FLYWCH1: variants seen among roughly 807,000 people sequenced by gnomAD.
FLYWCH1 encodes the protein FLYWCH-type zinc finger 1.
In FLYWCH1, 75 loss-of-function variants were observed where a neutral mutation model predicts 66.4. That is an observed-to-expected ratio of 1.13 (90% confidence interval 0.94 to 1.37). The LOEUF (loss-of-function observed/expected upper bound fraction) is 1.37. Ranked by LOEUF, FLYWCH1 falls within the 40% of genes most tolerant of loss-of-function variation. The pLI is 0.00. For synonymous variants in FLYWCH1, 595 were observed against 429.9 expected (o/e 1.38, Z -4.75); for missense variants, 1,334 against 1,001.8 (o/e 1.33, Z -4.48).
At chr16:2,928,203 T>C (rs748172427) in intron 2 of FLYWCH1, among the ~76,000 whole-genome samples, 1 of 152,218 alleles carries the variant, frequency 6.6e-6, no homozygotes, top group Non-Finnish European at 1.5e-5. Context: ...GGCTTTACAC[T>C]GAGACATGCC....
chr16:2,945,938 A>G (rs189963625), intron 9 of FLYWCH1, among the ~76,000 whole-genome samples: 6 of 152,118 alleles, frequency 3.9e-5, no homozygotes, highest in South Asian at 2.1e-4. Flanking sequence ...CAGAGCTTGC[A>G]GTGAGCCGAG....
intron 4 of FLYWCH1, among the ~76,000 whole-genome samples, chr16:2,932,113 G>A (rs1474116172): frequency 2.3e-4 from 16 of 71,010 alleles, no homozygotes; most frequent in East Asian, 3.7e-4. Flanking sequence ...GCAAGACTCT[G>A]TCTCAAAAAA....
chr16:2,939,760 A>T, intron 8 of FLYWCH1: 1 of 376,850 alleles, frequency 2.7e-6, no homozygotes. Context: ...GCTTACAGAG[A>T]AAGTTGTGCT....
chr16:2,937,248 C>G lies in FLYWCH1; in HGVS notation c.1641C>G (p.Gly547=). 1 of 1,606,118 alleles carries G rather than the reference C, an allele frequency of 6.2e-7. No individual in the cohort carries two copies. The highest frequency in any genetic ancestry group is 8.5e-7 in the Non-Finnish European group (1 of 1,177,712). Residue 547 remains glycine (G), a synonymous_variant, in exon 7 of 10, where the codon GGC becomes GGG. Transcript: ENST00000253928. ...CCTGCCGGGACCAGGCCCGCATGGG[C>G]TGCCGCAGCCGCGCCATCACCCAGG... is the stretch of plus-strand genomic sequence containing the variant. ...YWTCRDQARM[G]CRSRAITQGR...
chr16:2,939,941 A>G, intron 8 of FLYWCH1, 91 bp from the exon 9 acceptor site: 41 of 1,476,870 alleles, frequency 2.8e-5, no homozygotes, highest in Non-Finnish European at 3.7e-5. Flanking sequence ...CACAGCCTTG[A>G]GGGCGTCGTT....
chr16:2,932,141 T>G (rs2070784482), intron 4 of FLYWCH1, among the ~76,000 whole-genome samples: 1 of 129,144 alleles, frequency 7.7e-6, no homozygotes, highest in Admixed American at 8.1e-5. Context: ...AAAAATTAGC[T>G]GGGCGTGGAG....
In FLYWCH1 at chr16:2,933,880, A is replaced by T; in HGVS notation, c.1414A>T (p.Thr472Ser). 6.3e-7 allele frequency: 1 copy of T among 1,596,492 alleles called. No individual in the cohort carries two copies. The highest frequency in any genetic ancestry group is 1.7e-4 in the Middle Eastern group (1 of 5,732). ...CGCCATCACCCAGGGCCGACGGGTGACTGTCATGCGTGGTCACTGCCACCC... is the reference window on the plus strand; with the variant it reads ...CGCCATCACCCAGGGCCGACGGGTGTCTGTCATGCGTGGTCACTGCCACCC... ...SRAITQGRRV[T>S]VMRGHCHPPD... The change falls in exon 6 of 10, where the codon ACT becomes TCT. Residue 472 changes from threonine (T) to serine (S), a missense_variant. Physicochemically the swap from Thr to Ser is moderately conservative, Grantham distance 58. Coordinates refer to ENST00000253928, the MANE Select transcript of FLYWCH1 (RefSeq NM_001308068.2).
At chr16:2,925,771 C>T (rs1379076318) in intron 2 of FLYWCH1, among the ~76,000 whole-genome samples, 1 of 152,086 alleles carries the variant, frequency 6.6e-6, no homozygotes, top group Non-Finnish European at 1.5e-5. Context: ...GGGACTGGCC[C>T]TCCTGGTACC....
At chr16:2,946,554 C>T (rs1300954488) in intron 9 of FLYWCH1, among the ~76,000 whole-genome samples, 4 of 151,972 alleles carry the variant, frequency 2.6e-5, no homozygotes, top group African/African-American at 7.3e-5. Flanking sequence ...TACTCTTGAC[C>T]TCAGGTGATC....
At chr16:2,918,445 C>CTT (rs879793184) in intron 2 of FLYWCH1, among the ~76,000 whole-genome samples, 2 of 137,038 alleles carry the variant, frequency 1.5e-5, no homozygotes, top group African/African-American at 5.4e-5. Flanking sequence ...CCGCGCCAGG[C>CTT]TTTTTTTTTT....
At position 2,938,244 on chromosome 16, in the gene FLYWCH1, A is replaced by C; in HGVS notation, c.1838A>C (p.Glu613Ala). The C allele has an allele frequency of 6.2e-7, 1 of 1,613,272 alleles. No individual in the cohort carries two copies. Among genetic ancestry groups the C allele is most frequent in the South Asian group, 1.1e-5 (1 of 91,038 alleles). ...CTGGGGGGCAGGTTCCTGGTGCACG[A>C]GTCCTTCCTCTACAGGAAGGAGAAG... ...TSLGGRFLVH[E>A]SFLYRKEKAA... The change falls in exon 8 of 10, where the codon GAG (glutamate) becomes GCG (alanine). Residue 613 changes from glutamate (E) to alanine (A), a missense_variant. Physicochemically the swap from Glu to Ala is moderately radical, Grantham distance 107. Transcript: ENST00000253928.
At chr16:2,946,001 A>C (rs2151026269) in intron 9 of FLYWCH1, among the ~76,000 whole-genome samples, 1 of 142,440 alleles carries the variant, frequency 7.0e-6, no homozygotes, top group East Asian at 1.9e-4. Flanking sequence ...CATGTCAAAA[A>C]ATAAATAAAT....
At chr16:2,918,889 G>A (rs1250280634) in intron 2 of FLYWCH1, among the ~76,000 whole-genome samples, 10 of 152,176 alleles carry the variant, frequency 6.6e-5, no homozygotes, top group Admixed American at 6.5e-4. Flanking sequence ...GTCTTTTTTG[G>A]AAACAAAAAC....
At chr16:2,918,831 C>G (rs1251477526) in intron 2 of FLYWCH1, among the ~76,000 whole-genome samples, 1 of 152,146 alleles carries the variant, frequency 6.6e-6, no homozygotes, top group Admixed American at 6.6e-5. Context: ...TAGGAAAGAC[C>G]AGTGGATTGA....
At position 2,940,079 on chromosome 16, in the gene FLYWCH1, C is replaced by T; in HGVS notation, c.2098C>T (p.Gln700Ter). 1 of 1,433,208 alleles carries T rather than the reference C, an allele frequency of 7.0e-7. No homozygotes were observed. Among genetic ancestry groups the T allele is most frequent in the Non-Finnish European group, 9.8e-7 (1 of 1,015,940 alleles). 88.8% of individuals were successfully genotyped at this position (1,433,208 alleles called of 1,614,324 possible). Residue 700 changes from glutamine (Q) to a stop codon, truncating the protein, a stop_gained, in exon 9 of 10, where the codon CAG (glutamine) becomes TAG (stop). Transcript: ENST00000253928. LOFTEE classifies it low-confidence loss of function (END_TRUNC). Reference sequence around the variant, plus strand: ...CTTCAAGACGTGTTCTCCTGAAAGCCAGCAGATTTATGGGTAATTGTATTT... The same window carrying T: ...CTTCAAGACGTGTTCTCCTGAAAGCTAGCAGATTTATGGGTAATTGTATTT... ...LCFKTCSPES[Q>*]QIYGDIKDVR...
rs893117704 is a variant in FLYWCH1 at position 2,930,893 on chromosome 16, C to T, written c.796+13C>T. On this transcript the variant is annotated intron_variant, in intron 4 of 9. Coordinates refer to ENST00000253928, the MANE Select transcript of FLYWCH1 (RefSeq NM_001308068.2). ...ATCCTGGGGCTGGGTGAGTACAATCCACTCCCCTGCTGCGTCCACTCGGGG... is the reference window on the plus strand; with the variant it reads ...ATCCTGGGGCTGGGTGAGTACAATCTACTCCCCTGCTGCGTCCACTCGGGG... 19 of 1,569,988 alleles carry T rather than the reference C, an allele frequency of 1.2e-5. No homozygotes were observed. Among genetic ancestry groups the T allele is most frequent in the Middle Eastern group, 2.3e-4 (1 of 4,426 alleles).
Position 2,933,573 on chromosome 16 carries a change from G to T in FLYWCH1, c.1240G>T (p.Ala414Ser). Residue 414 changes from alanine (A) to serine (S), a missense_variant, in exon 5 of 10, where the codon GCA becomes TCA. Physicochemically the swap from Ala to Ser is moderately conservative, Grantham distance 99. Transcript: ENST00000253928. The part of the protein sequence containing the change: ...EAPDEHQDMD[A>S]DPGGPEFLKT... Reference sequence around the variant, plus strand: ...CCCAGACGAGCACCAGGACATGGACGCAGACCCGGGTGAGCTGCCTTCCTT... The same window carrying T: ...CCCAGACGAGCACCAGGACATGGACTCAGACCCGGGTGAGCTGCCTTCCTT... The T allele has an allele frequency of 6.3e-7, 1 of 1,590,270 alleles. No homozygotes were observed. The highest frequency in any genetic ancestry group is 8.6e-7 in the Non-Finnish European group (1 of 1,167,548).
chr16:2,945,725 C>A (rs183840958), intron 9 of FLYWCH1, among the ~76,000 whole-genome samples: 4 of 151,426 alleles, frequency 2.6e-5, no homozygotes, highest in African/African-American at 9.7e-5. Flanking sequence ...AGGCCGGGTG[C>A]GGTGGCTCAT....
In FLYWCH1 at chr16:2,933,272, G is replaced by T. The variant is rs1209343926; in HGVS notation, c.939G>T (p.Arg313=). 5 of 1,612,598 alleles carry T rather than the reference G, an allele frequency of 3.1e-6. No individual in the cohort carries two copies. The highest frequency in any genetic ancestry group is 3.3e-5 in the Admixed American group (2 of 59,870). Residue 313 remains arginine, a synonymous_variant, in exon 5 of 10, where the codon CGG becomes CGT. Transcript: ENST00000253928. Reference sequence around the variant, plus strand: ...GGGACCACGCGCTGCACGGCTGCCGGAGCCGGGCCATCACCCAGGGACAGC... The same window carrying T: ...GGGACCACGCGCTGCACGGCTGCCGTAGCCGGGCCATCACCCAGGGACAGC... ...TCRDHALHGC[R]SRAITQGQRV...
Sources: allele counts gnomAD v4.1 joint callset (sites outside exome capture counted in the v4.1 genomes callset), GRCh38; gene constraint gnomAD v4.1.1; transcripts MANE v1.5; gene names NCBI Gene and HGNC (gene_info 2026-07-23, HGNC 2026-07-21).